ADAMTS6: variants seen among roughly 807,000 people sequenced by gnomAD.
ADAMTS6 encodes ADAM metallopeptidase with thrombospondin type 1 motif 6.
A neutral mutation model predicts 144.3 loss-of-function variants in ADAMTS6; 23 were observed. The ratio of observed to expected loss-of-function variants is 0.16; its 90% CI spans 0.11 to 0.23. The LOEUF (loss-of-function observed/expected upper bound fraction) is 0.23. ADAMTS6 is among the 10% of genes least tolerant of loss of function. The pLI, the probability that ADAMTS6 is intolerant of heterozygous loss-of-function variation, is 1.00. For synonymous variants in ADAMTS6, 444 were observed against 457.5 expected (o/e 0.97, Z 0.38); for missense variants, 999 against 1,379.6 (o/e 0.72, Z 4.37).
At chr5:65,282,651 T>C (rs1444949386) in intron 11 of ADAMTS6, among the ~76,000 whole-genome samples, 1 of 152,092 alleles carries the variant, frequency 6.6e-6, no homozygotes. Flanking sequence ...CTATCCGTCA[T>C]GTGATGCTAT....
intron 15 of ADAMTS6, among the ~76,000 whole-genome samples, chr5:65,236,188 C>G (rs1758655358): frequency 6.6e-6 from 1 of 152,190 alleles, no homozygotes; most frequent in Non-Finnish European, 1.5e-5. Context: ...AAACAACATT[C>G]TCAACCAAGT....
chr5:65,316,718 T>C (rs1745036161), intron 9 of ADAMTS6, among the ~76,000 whole-genome samples: 1 of 152,162 alleles, frequency 6.6e-6, no homozygotes, highest in Non-Finnish European at 1.5e-5. Flanking sequence ...GATTTCAGAA[T>C]AACTAATATT....
chr5:65,478,682 G>C (rs1316926153), intron 1 of ADAMTS6, among the ~76,000 whole-genome samples: 1 of 152,088 alleles, frequency 6.6e-6, no homozygotes, highest in Non-Finnish European at 1.5e-5. Context: ...TATGATGATG[G>C]AGTCAATCAA....
At chr5:65,213,942 G>C (rs907294091) in intron 20 of ADAMTS6, 13 of 160,674 alleles carry the variant, frequency 8.1e-5, no homozygotes, top group African/African-American at 3.1e-4. Flanking sequence ...GGACAGGTTT[G>C]TTTCCTTGCC....
At chr5:65,404,034 G>C (rs1225430573) in intron 7 of ADAMTS6, among the ~76,000 whole-genome samples, 1 of 151,890 alleles carries the variant, frequency 6.6e-6, no homozygotes, top group Non-Finnish European at 1.5e-5. Context: ...GCCCAAGTTG[G>C]CAATGAAATC....
intron 7 of ADAMTS6, among the ~76,000 whole-genome samples, chr5:65,345,013 T>C (rs116474671): frequency 9.1e-4 from 139 of 151,946 alleles, no homozygotes; most frequent in African/African-American, 3.2e-3. Context: ...ACTGGTAATT[T>C]TTACATATGC....
intron 24 of ADAMTS6, among the ~76,000 whole-genome samples, chr5:65,164,365 G>A (rs958914862): frequency 3.9e-5 from 6 of 152,126 alleles, no homozygotes; most frequent in African/African-American, 1.4e-4. Flanking sequence ...TCCCGCACCT[G>A]GCTCGGAGGG....
At position 65,242,651 on chromosome 5, in the gene ADAMTS6, G is replaced by A. The variant is rs533224137; in HGVS notation, c.1831-445C>T. ...AACAACATTCAGCACTATTAATTGT[G>A]GTTTGGACTCCTACTACTATAGCTA... On this transcript the variant is annotated intron_variant, in intron 14 of 24. Coordinates refer to ENST00000381055, the MANE Select transcript of ADAMTS6 (RefSeq NM_197941.4). Among the ~76,000 whole-genome samples, 34 of 152,172 alleles carry A rather than the reference G, an allele frequency of 2.2e-4. 1 individual carries two copies. The South Asian group carries it at 6.6e-3, about 30-fold the overall frequency.
chr5:65,240,991 T>C (rs936667814), intron 15 of ADAMTS6, among the ~76,000 whole-genome samples: 3 of 152,182 alleles, frequency 2.0e-5, no homozygotes, highest in South Asian at 2.1e-4. Context: ...AATGTTACCA[T>C]GCTGAAGTAC....
chr5:65,372,339 A>G (rs564203433), intron 7 of ADAMTS6, among the ~76,000 whole-genome samples: 5 of 152,088 alleles, frequency 3.3e-5, no homozygotes, highest in East Asian at 3.9e-4. Context: ...AAGACCCATC[A>G]GTGTGCTGTA....
At chr5:65,372,620 A>C (rs1454082097) in intron 7 of ADAMTS6, among the ~76,000 whole-genome samples, 1 of 151,688 alleles carries the variant, frequency 6.6e-6, no homozygotes, top group East Asian at 1.9e-4. Flanking sequence ...GTCCTGAGTG[A>C]CCTACAAAGA....
intron 20 of ADAMTS6, among the ~76,000 whole-genome samples, chr5:65,212,186 G>A (rs948297685): frequency 3.9e-5 from 6 of 152,102 alleles, no homozygotes; most frequent in South Asian, 2.1e-4. Context: ...TGCTGCTGGC[G>A]GGACCAGACT....
intron 7 of ADAMTS6, among the ~76,000 whole-genome samples, chr5:65,376,938 T>C (rs1279646159): frequency 1.3e-5 from 2 of 152,136 alleles, no homozygotes; most frequent in African/African-American, 2.4e-5. Flanking sequence ...GGTAACCTAA[T>C]TGACCAATCT....
intron 3 of ADAMTS6, 53 bp downstream of exon 3, chr5:65,470,725 T>C (rs1760371444): frequency 1.2e-5 from 17 of 1,467,650 alleles, no homozygotes; most frequent in Non-Finnish European, 1.3e-5. Flanking sequence ...GACATTTACA[T>C]TGCAAAATTC....
intron 14 of ADAMTS6, among the ~76,000 whole-genome samples, chr5:65,242,530 T>A (rs909025811): frequency 1.3e-5 from 2 of 152,198 alleles, no homozygotes; most frequent in East Asian, 1.9e-4. Context: ...GATGAAGAAA[T>A]TAAAACACAA....
intron 14 of ADAMTS6, among the ~76,000 whole-genome samples, chr5:65,243,651 CT>C (rs1036350444): frequency 1.3e-5 from 2 of 151,746 alleles, no homozygotes; most frequent in East Asian, 1.9e-4. Context: ...TTTTCAGGGT[CT>C]TTTTTTTCCT....
intron 15 of ADAMTS6, among the ~76,000 whole-genome samples, chr5:65,235,755 A>G (rs190944259): frequency 6.6e-6 from 1 of 152,276 alleles, no homozygotes; most frequent in East Asian, 1.9e-4. Context: ...GATCGTGTGA[A>G]CTAATACTTA....
chr5:65,331,379 A>G (rs1431976677), intron 8 of ADAMTS6, among the ~76,000 whole-genome samples: 1 of 151,998 alleles, frequency 6.6e-6, no homozygotes, highest in African/African-American at 2.4e-5. Flanking sequence ...CTCAAGGTGT[A>G]TTTACAAGCA....
intron 11 of ADAMTS6, among the ~76,000 whole-genome samples, chr5:65,287,809 C>A (rs188985573): frequency 1.4e-4 from 21 of 152,204 alleles, no homozygotes; most frequent in Admixed American, 2.6e-4. Flanking sequence ...GGATTACAGG[C>A]GTGAGCCACC....
Sources: allele counts gnomAD v4.1 joint callset (sites outside exome capture counted in the v4.1 genomes callset), GRCh38; gene constraint gnomAD v4.1.1; transcripts MANE v1.5; gene names NCBI Gene and HGNC (gene_info 2026-07-23, HGNC 2026-07-21).